Variants in XRCC5 observed in about 807,000 individuals in gnomAD.
XRCC5 encodes the protein DNA repair protein Ku80.
XRCC5 carries 12 observed loss-of-function variants against 95.7 expected under a neutral mutation model. The observed-to-expected ratio is 0.13, with a 90% confidence interval of 0.08 to 0.20. The LOEUF (loss-of-function observed/expected upper bound fraction) is 0.20. Among genes scored for constraint, XRCC5 ranks in the 10% least tolerant of loss-of-function variants. The pLI, the probability that XRCC5 is intolerant of heterozygous loss-of-function variation, is 1.00. For missense variants in XRCC5, 595 were observed against 873.9 expected (o/e 0.68, Z 4.02); for synonymous variants, 281 against 290.3 (o/e 0.97, Z 0.33).
intron 19 of XRCC5, among the ~76,000 whole-genome samples, chr2:216,201,894 G>A (rs1171213021): frequency 2.0e-5 from 3 of 152,154 alleles, no homozygotes; most frequent in Non-Finnish European, 4.4e-5. Context: ...GCATTGGGAA[G>A]GATAATGGAT....
intron 16 of XRCC5, among the ~76,000 whole-genome samples, chr2:216,164,738 C>T (rs1040478862): frequency 1.3e-5 from 2 of 152,172 alleles, no homozygotes; most frequent in African/African-American, 4.8e-5. Flanking sequence ...TTCTACAATA[C>T]GTTTCAAACT....
intron 8 of XRCC5, among the ~76,000 whole-genome samples, chr2:216,129,442 T>C (rs938315471): frequency 2.0e-5 from 3 of 152,256 alleles, no homozygotes; most frequent in Non-Finnish European, 2.9e-5. Flanking sequence ...GTTGGAGTTA[T>C]ATGCCATTTC....
Position 216,138,139 on chromosome 2 carries a change from G to A in XRCC5, c.1302G>A (p.Met434Ile), listed in dbSNP as rs1324450549. The A allele has an allele frequency of 3.7e-6, 6 of 1,613,234 alleles. No individual in the cohort carries two copies. Among genetic ancestry groups the A allele is most frequent in the Non-Finnish European group, 5.1e-6 (6 of 1,179,938 alleles). Residue 434 changes from methionine (M) to isoleucine (I), a missense_variant, in exon 12 of 21, where the codon ATG (methionine) becomes ATA (isoleucine). Transcript: ENST00000392132. ...TCATGGAAGACTTGCGGCAATACATGTTTTCATCCTTGAAAAACAGTAAGA... is the reference window on the plus strand; with the variant it reads ...TCATGGAAGACTTGCGGCAATACATATTTTCATCCTTGAAAAACAGTAAGA... ...LPFMEDLRQYMFSSLKNSKKY... is the reference protein window; with the variant it reads ...LPFMEDLRQYIFSSLKNSKKY...
chr2:216,162,882 C>T (rs207917), intron 16 of XRCC5, among the ~76,000 whole-genome samples: 83,429 of 152,024 alleles, frequency 0.55, 23,230 homozygotes, highest in South Asian at 0.67. Flanking sequence ...ATAAAAATAG[C>T]TTTCAGGGAT....
chr2:216,133,526 C>G (rs1379353579), intron 10 of XRCC5, among the ~76,000 whole-genome samples: 5 of 152,184 alleles, frequency 3.3e-5, no homozygotes, highest in Non-Finnish European at 5.9e-5. Context: ...AAAGAACATT[C>G]TGATCACTTC....
intron 14 of XRCC5, among the ~76,000 whole-genome samples, chr2:216,157,715 C>G (rs1390378408): frequency 6.6e-6 from 1 of 152,034 alleles, no homozygotes; most frequent in Non-Finnish European, 1.5e-5. Flanking sequence ...AAATATTAGG[C>G]TAAATAAGTG....
At chr2:216,185,964 G>A (rs1206975793) in intron 16 of XRCC5, among the ~76,000 whole-genome samples, 1 of 152,146 alleles carries the variant, frequency 6.6e-6, no homozygotes, top group Non-Finnish European at 1.5e-5. Context: ...TTTAACTGCT[G>A]ACATTTGCAA....
In XRCC5 at chr2:216,206,043, G is replaced by GAA. The variant is rs1689937985; in HGVS notation, c.*841_*842insAA. On this transcript the variant is annotated 3_prime_UTR_variant, in exon 21 of 21. Transcript: ENST00000392132. ...ATTAAAACACTTAGGTAACTTTTCG[G>GAA]TCTTTCCCATTTCTACCTAAGTCAG... The GAA allele has an allele frequency of 6.6e-6, 1 of 152,000 alleles. No homozygotes were observed. The highest frequency in any genetic ancestry group is 1.9e-4 in the East Asian group (1 of 5,190). 9.4% of individuals were successfully genotyped at this position (152,000 alleles called of 1,614,324 possible). A position where few individuals can be genotyped will look rare whatever the true frequency, so the allele number is the denominator to read the frequency against.
In XRCC5 at chr2:216,132,363, G is replaced by C; in HGVS notation, c.1089G>C (p.Lys363Asn). 6.2e-7 allele frequency: 1 copy of C among 1,613,998 alleles called. No individual in the cohort carries two copies. Among genetic ancestry groups the C allele is most frequent in the Non-Finnish European group, 8.5e-7 (1 of 1,179,910 alleles). The change falls in exon 10 of 21, where the codon AAG becomes AAC. Residue 363 changes from lysine (K) to asparagine (N), a missense_variant. Coordinates refer to ENST00000392132, the MANE Select transcript of XRCC5 (RefSeq NM_021141.4). ...RRFFMGNQVL[K>N]VFAARDDEAA... is the part of the protein sequence containing the mutation. ...TCTTCATGGGAAATCAAGTTCTAAA[G>C]GTCTTTGCAGCAAGAGATGATGAGG...
Position 216,192,726 on chromosome 2 carries a change from G to A in XRCC5, c.2032G>A (p.Val678Ile), listed in dbSNP as rs562803459. 6.3e-7 allele frequency: 1 copy of A among 1,583,500 alleles called. No homozygotes were observed. The highest frequency in any genetic ancestry group is 1.4e-5 in the African/African-American group (1 of 73,904). ...IKQLNHFWEI[V>I]VQDGITLITK... ...ACAATTAAATCATTTCTGGGAAATTGTTGTCCAGGGTAAGTTGTCATTTGC... is the reference window on the plus strand; with the variant it reads ...ACAATTAAATCATTTCTGGGAAATTATTGTCCAGGGTAAGTTGTCATTTGC... Residue 678 changes from valine (V) to isoleucine (I), a missense_variant, in exon 18 of 21, where the codon GTT becomes ATT. Around this residue, in one of 2 missense-constraint regions of XRCC5, gnomAD observed 309 missense variants for 382.9 expected, o/e 0.81. Transcript: ENST00000392132.
chr2:216,142,604 A>G (rs776733814), intron 13 of XRCC5, among the ~76,000 whole-genome samples: 3 of 152,124 alleles, frequency 2.0e-5, no homozygotes, highest in Non-Finnish European at 4.4e-5. Context: ...CTGAAAAAAA[A>G]ATTATATAAG....
intron 16 of XRCC5, among the ~76,000 whole-genome samples, chr2:216,165,044 A>G (rs1689028939): frequency 6.6e-6 from 1 of 152,224 alleles, no homozygotes; most frequent in African/African-American, 2.4e-5. Flanking sequence ...AACAATTAGT[A>G]TTATTATCTC....
intron 16 of XRCC5, among the ~76,000 whole-genome samples, chr2:216,187,786 GACACACACACAC>G (rs149998611): frequency 1.5e-5 from 1 of 64,532 alleles, no homozygotes; most frequent in African/African-American, 1.0e-4. Context: ...ATGAACTCCT[GACACACACACAC>G]ACACACACAC....
At chr2:216,145,092 G>A (rs1482613062) in intron 13 of XRCC5, among the ~76,000 whole-genome samples, 4 of 152,152 alleles carry the variant, frequency 2.6e-5, no homozygotes, top group South Asian at 4.1e-4. Flanking sequence ...TCCAGTTTGA[G>A]GACTTTGGGG....
chr2:216,175,627 T>G (rs888231973), intron 16 of XRCC5: 8 of 409,274 alleles, frequency 2.0e-5, no homozygotes, highest in African/African-American at 1.7e-4. Flanking sequence ...GTATCTACTT[T>G]AATACCACCA....
intron 16 of XRCC5, among the ~76,000 whole-genome samples, chr2:216,187,821 A>ACACTCTCT (rs1312215177): frequency 1.7e-4 from 8 of 47,970 alleles, no homozygotes; most frequent in South Asian, 8.7e-4. Context: ...ACACACACAC[A>ACACTCTCT]CTCTCTCTCT....
At chr2:216,195,345 TTTTTCTTTTCTTTTCTTTTCTTTTC>T (rs10623248) in intron 19 of XRCC5, among the ~76,000 whole-genome samples, 15,419 of 125,228 alleles carry the variant, frequency 0.12, 903 homozygotes, top group South Asian at 0.2. Context: ...GTTTTTCTTT[TTTTTCTTTTCTTTTCTTTTCTTTTC>T]TTTTCTTTTC....
At chr2:216,125,889 C>A in intron 6 of XRCC5, 28 bp from the exon 7 acceptor site, 1 of 1,574,390 alleles carries the variant, frequency 6.4e-7, no homozygotes. Flanking sequence ...AAAATTGTTG[C>A]TTTCATTTTA....
intron 13 of XRCC5, among the ~76,000 whole-genome samples, chr2:216,147,103 CTACTTCAT>C (rs199717455): frequency 0.019 from 2,809 of 151,836 alleles, 86 homozygotes; most frequent in African/African-American, 0.064. Flanking sequence ...GGTGGAGGGG[CTACTTCAT>C]ATAGAGTGTC....
Sources: allele counts gnomAD v4.1 joint callset (sites outside exome capture counted in the v4.1 genomes callset), GRCh38; gene constraint gnomAD v4.1.1; regional missense constraint gnomAD v4.1.1; transcripts MANE v1.5; gene names NCBI Gene and HGNC (gene_info 2026-07-23, HGNC 2026-07-21).